AHI1: variants seen among roughly 807,000 people sequenced by gnomAD.
The protein encoded by AHI1 is Abelson helper integration site 1.
Under a neutral mutation model 149.3 loss-of-function variants are expected in AHI1, and 123 were observed. The ratio of observed to expected loss-of-function variants is 0.82; its 90% CI spans 0.71 to 0.96. The LOEUF (loss-of-function observed/expected upper bound fraction) is 0.96, where lower values mean the gene tolerates loss of function less well. AHI1 is among the 40% of genes least tolerant of loss of function. AHI1 has a pLI of 0.00. For synonymous variants in AHI1, 475 were observed against 459.8 expected (o/e 1.03, Z -0.42); for missense variants, 1,439 against 1,422.7 (o/e 1.01, Z -0.18).
chr6:135,447,732 C>G (rs1787464060), intron 12 of AHI1, among the ~76,000 whole-genome samples: 1 of 152,090 alleles, frequency 6.6e-6, no homozygotes, highest in African/African-American at 2.4e-5. Flanking sequence ...TAATATTAAT[C>G]TATGGAAAAC....
intron 27 of AHI1, among the ~76,000 whole-genome samples, chr6:135,291,998 T>C (rs1404850322): frequency 1.3e-5 from 2 of 152,214 alleles, no homozygotes; most frequent in Non-Finnish European, 2.9e-5. Flanking sequence ...AGCTCATTGA[T>C]GGATGTCATC....
chr6:135,296,135 G>T (rs1366006121), intron 27 of AHI1, among the ~76,000 whole-genome samples: 1 of 152,168 alleles, frequency 6.6e-6, no homozygotes, highest in East Asian at 1.9e-4. Context: ...GATTACAGGC[G>T]TGAGCCACCG....
At chr6:135,307,982 G>A (rs1784716161) in intron 26 of AHI1, among the ~76,000 whole-genome samples, 1 of 152,140 alleles carries the variant, frequency 6.6e-6, no homozygotes, top group African/African-American at 2.4e-5. Context: ...ACAGTGCCGA[G>A]GTTGAGAAAC....
At chr6:135,487,328 T>A (rs1372744833) in intron 5 of AHI1, among the ~76,000 whole-genome samples, 1 of 152,184 alleles carries the variant, frequency 6.6e-6, no homozygotes, top group Non-Finnish European at 1.5e-5. Context: ...GAGTAATGGT[T>A]ACGTGACTTT....
At chr6:135,492,480 A>G in intron 3 of AHI1, 189 bp from the exon 4 acceptor site, 2 of 1,209,836 alleles carry the variant, frequency 1.7e-6, no homozygotes, top group Non-Finnish European at 2.1e-6. Flanking sequence ...GGGCTCTAAA[A>G]TCAAGGGAAA....
intron 27 of AHI1, among the ~76,000 whole-genome samples, chr6:135,296,156 C>T (rs568479975): frequency 6.7e-4 from 102 of 152,200 alleles, no homozygotes; most frequent in African/African-American, 2.3e-3. Flanking sequence ...CGCCTGGCCG[C>T]AATTTATTTT....
Position 135,427,178 on chromosome 6 carries a change from T to A in AHI1, c.2753A>T (p.Tyr918Phe). ...GQNEPILLYI[Y>F]DFHVAQQEAE... is the part of the protein sequence containing the mutation. Reference sequence around the variant, plus strand: ...AGTGGTAGACTTACCATGGAAATCGTAAATATACAGAAGAATTGGCTCATT... The same window carrying A: ...AGTGGTAGACTTACCATGGAAATCGAAAATATACAGAAGAATTGGCTCATT... The change falls in exon 20 of 29, where the codon TAC (tyrosine) becomes TTC (phenylalanine). Residue 918 changes from tyrosine (Y) to phenylalanine (F), a missense_variant. Coordinates refer to ENST00000265602, the MANE Select transcript of AHI1 (RefSeq NM_001134831.2). The A allele has an allele frequency of 6.2e-7, 1 of 1,609,804 alleles. No homozygotes were observed. Among genetic ancestry groups the A allele is most frequent in the Non-Finnish European group, 8.5e-7 (1 of 1,177,262 alleles).
chr6:135,419,196 C>T (rs984269001), intron 20 of AHI1, among the ~76,000 whole-genome samples: 1 of 152,082 alleles, frequency 6.6e-6, no homozygotes, highest in African/African-American at 2.4e-5. Flanking sequence ...GTCTCACAGT[C>T]AACCAAATGA....
intron 26 of AHI1, among the ~76,000 whole-genome samples, chr6:135,312,978 T>C (rs1785423755): frequency 6.6e-6 from 1 of 152,210 alleles, no homozygotes; most frequent in African/African-American, 2.4e-5. Flanking sequence ...TGATAGACTC[T>C]GTGGGAGGTT....
chr6:135,293,421 A>AAAAAAAAAAAAAAAAAG (rs1562444590), intron 27 of AHI1, among the ~76,000 whole-genome samples: 1 of 134,376 alleles, frequency 7.4e-6, no homozygotes, highest in African/African-American at 2.7e-5. Flanking sequence ...AAAAAAAAAA[A>AAAAAAAAAAAAAAAAAG]AAAGAAAAAA....
intron 24 of AHI1, among the ~76,000 whole-genome samples, chr6:135,354,439 G>A (rs938246445): frequency 7.9e-5 from 12 of 152,080 alleles, no homozygotes; most frequent in Admixed American, 7.2e-4. Flanking sequence ...GAAAAGCTAT[G>A]GGATTTGCCA....
At chr6:135,293,392 CAAAAAAAAAAAAAGAAAAAAA>C (rs1480836091) in intron 27 of AHI1, among the ~76,000 whole-genome samples, 10 of 20,160 alleles carry the variant, frequency 5.0e-4, no homozygotes, top group African/African-American at 2.1e-3. Context: ...GTTAACAGGG[CAAAAAAAAAAAAAGAAAAAAA>C]AAAAAAAAAA....
chr6:135,438,360 C>A lies in AHI1; in HGVS notation c.2036+15G>T. ...GCAAACAGCATGCACATAAGTACTTCTCAAGGATACTAACCTGGCAGTGCC... is the reference window on the plus strand; with the variant it reads ...GCAAACAGCATGCACATAAGTACTTATCAAGGATACTAACCTGGCAGTGCC... On this transcript the variant is annotated intron_variant, in intron 15 of 28. Coordinates refer to ENST00000265602, the MANE Select transcript of AHI1 (RefSeq NM_001134831.2). 6.3e-7 allele frequency: 1 copy of A among 1,576,372 alleles called. No homozygotes were observed. The highest frequency in any genetic ancestry group is 1.2e-5 in the South Asian group (1 of 83,510).
chr6:135,428,905 T>C (rs1784273231), intron 18 of AHI1, 146 bp from the exon 19 acceptor site: 1 of 699,466 alleles, frequency 1.4e-6, no homozygotes, highest in Admixed American at 3.0e-5. Flanking sequence ...TATAATATAA[T>C]GGATGCAGAA....
intron 20 of AHI1, among the ~76,000 whole-genome samples, chr6:135,421,022 T>C (rs1783072659): frequency 6.6e-6 from 1 of 152,132 alleles, no homozygotes; most frequent in East Asian, 1.9e-4. Flanking sequence ...TTCAATACTG[T>C]GTCTCAGAGA....
At chr6:135,436,254 A>G (rs1785384436) in intron 15 of AHI1, among the ~76,000 whole-genome samples, 3 of 152,208 alleles carry the variant, frequency 2.0e-5, no homozygotes, top group Non-Finnish European at 4.4e-5. Flanking sequence ...AATCAGAGAA[A>G]GACAATGGAT....
Position 135,405,087 on chromosome 6 carries a change from G to T in AHI1, c.2962-110C>A, listed in dbSNP as rs1017781348. ...TAATAACCTAAATCAGCATTTGGAAGTTTCTTTATCCATTATCCTGCCGTT... is the reference window on the plus strand; with the variant it reads ...TAATAACCTAAATCAGCATTTGGAATTTTCTTTATCCATTATCCTGCCGTT... On this transcript the variant is annotated intron_variant, in intron 21 of 28. Transcript: ENST00000265602. 1.1e-5 allele frequency: 10 copies of T among 898,514 alleles called. No homozygotes were observed. The African/African-American group carries it at 1.5e-4, about 14-fold the overall frequency. 55.7% of individuals were successfully genotyped at this position (898,514 alleles called of 1,614,324 possible). A position where few individuals can be genotyped will look rare whatever the true frequency, so the allele number is the denominator to read the frequency against.
At chr6:135,444,084 A>G (rs931761634) in intron 13 of AHI1, among the ~76,000 whole-genome samples, 3 of 152,150 alleles carry the variant, frequency 2.0e-5, no homozygotes, top group Non-Finnish European at 4.4e-5. Flanking sequence ...ACAACAATAA[A>G]GGTCCTCAAA....
At position 135,429,534 on chromosome 6, in the gene AHI1, T is replaced by G. The variant is rs189699583; in HGVS notation, c.2492+348A>C. Among the ~76,000 whole-genome samples, 22 of 151,826 alleles carry G rather than the reference T, an allele frequency of 1.4e-4. No homozygotes were observed. The East Asian group carries it at 4.0e-3, about 28-fold the overall frequency. On this transcript the variant is annotated intron_variant, in intron 18 of 28. Transcript: ENST00000265602. The stretch of plus-strand genomic sequence containing the variant: ...CTGTAACAGTATCATAGTGATAATA[T>G]CAGTATCAATCAATATCATTGTTGA...
Sources: allele counts gnomAD v4.1 joint callset (sites outside exome capture counted in the v4.1 genomes callset), GRCh38; gene constraint gnomAD v4.1.1; transcripts MANE v1.5; gene names NCBI Gene and HGNC (gene_info 2026-07-23, HGNC 2026-07-21).